MGA: variants seen among roughly 807,000 people sequenced by gnomAD.
The protein encoded by MGA is MAX dimerization protein MGA.
In MGA, 40 loss-of-function variants were observed where a neutral mutation model predicts 261.1. The observed-to-expected ratio is 0.15, with a 90% CI of 0.12 to 0.20. The LOEUF (loss-of-function observed/expected upper bound fraction) is 0.20, where lower values mean the gene tolerates loss of function less well. Ranked by LOEUF, MGA falls within the 10% of genes least tolerant of loss-of-function variation. MGA has a pLI of 1.00. For missense variants in MGA, 3,397 were observed against 3,630.5 expected (o/e 0.94, Z 1.65); for synonymous variants, 1,302 against 1,290.6 (o/e 1.01, Z -0.19).
intron 1 of MGA, among the ~76,000 whole-genome samples, chr15:41,650,749 C>A (rs1462147877): frequency 6.6e-6 from 1 of 152,070 alleles, no homozygotes; most frequent in East Asian, 1.9e-4. Flanking sequence ...TATAGTTTTT[C>A]TTTTGTATAC....
intron 7 of MGA, among the ~76,000 whole-genome samples, chr15:41,709,113 G>A (rs1481368957): frequency 6.6e-6 from 1 of 152,082 alleles, no homozygotes; most frequent in East Asian, 1.9e-4. Context: ...TTGGGAGGCC[G>A]AAGCAAGCGG....
intron 19 of MGA, among the ~76,000 whole-genome samples, chr15:41,759,851 A>G (rs1435108188): frequency 6.6e-6 from 1 of 152,134 alleles, no homozygotes; most frequent in African/African-American, 2.4e-5. Flanking sequence ...GGGATTGTGT[A>G]GTATATTTTG....
chr15:41,723,713 C>T (rs1329383960), intron 9 of MGA, among the ~76,000 whole-genome samples: 1 of 152,106 alleles, frequency 6.6e-6, no homozygotes, highest in East Asian at 1.9e-4. Context: ...GCATCTGGCT[C>T]CCTACCCCAT....
intron 13 of MGA, 32 bp downstream of exon 13, chr15:41,736,730 C>T (rs771416901): frequency 6.5e-6 from 10 of 1,541,824 alleles, no homozygotes; most frequent in African/African-American, 2.7e-5. Flanking sequence ...GGTATAGCAC[C>T]TTTGTATACA....
rs777837339 is a variant in MGA at position 41,696,598 on chromosome 15, C to T, written c.1588C>T (p.Leu530Phe). The T allele has an allele frequency of 2.5e-6, 4 of 1,613,898 alleles. No individual in the cohort carries two copies. Among genetic ancestry groups the T allele is most frequent in the Non-Finnish European group, 3.4e-6 (4 of 1,179,844 alleles). ...CTTAGGCAAGGAATCAGAAAATGGT[C>T]TTAGAAAACATTCACCAGATCTCAG... Residue 530 changes from leucine (L) to phenylalanine (F), a missense_variant, in exon 3 of 24, where the codon CTT becomes TTT. By Grantham distance (22) the Leu-to-Phe change is conservative. This residue lies in a region of MGA where 563 missense variants were observed against 563.6 expected (regional missense o/e 1.00). Coordinates refer to ENST00000219905, the MANE Select transcript of MGA (RefSeq NM_001164273.2).
At chr15:41,666,692 C>T (rs1192199539) in intron 1 of MGA, among the ~76,000 whole-genome samples, 3 of 152,200 alleles carry the variant, frequency 2.0e-5, no homozygotes, top group Non-Finnish European at 4.4e-5. Flanking sequence ...ATTCATTAAG[C>T]TTATACATTC....
chr15:41,662,511 G>C (rs2057472412), intron 1 of MGA, among the ~76,000 whole-genome samples: 1 of 152,154 alleles, frequency 6.6e-6, no homozygotes, highest in African/African-American at 2.4e-5. Flanking sequence ...AAAATGCCCA[G>C]GATATTGTCT....
chr15:41,628,078 G>C (rs146195710), intron 1 of MGA, among the ~76,000 whole-genome samples: 1 of 152,170 alleles, frequency 6.6e-6, no homozygotes, highest in East Asian at 1.9e-4. Flanking sequence ...AGCTAATAAA[G>C]ATGATTTCAG....
intron 2 of MGA, among the ~76,000 whole-genome samples, chr15:41,690,994 G>GTTTTT (rs386382831): frequency 3.1e-4 from 32 of 104,302 alleles, no homozygotes; most frequent in East Asian, 8.9e-4. Flanking sequence ...AGATTGCTTT[G>GTTTTT]TTTTTTTTTT....
At chr15:41,672,723 G>A (rs903645757) in intron 2 of MGA, among the ~76,000 whole-genome samples, 1 of 152,154 alleles carries the variant, frequency 6.6e-6, no homozygotes, top group African/African-American at 2.4e-5. Context: ...CTGGCCTATA[G>A]CCTATTTTAG....
chr15:41,637,355 A>C (rs769801224), intron 1 of MGA, among the ~76,000 whole-genome samples: 2 of 152,194 alleles, frequency 1.3e-5, no homozygotes, highest in Non-Finnish European at 2.9e-5. Flanking sequence ...GATTGACTTA[A>C]TTGTCTGGAC....
intron 1 of MGA, among the ~76,000 whole-genome samples, chr15:41,630,106 T>G (rs1024155912): frequency 3.5e-4 from 53 of 152,200 alleles, no homozygotes; most frequent in African/African-American, 1.3e-3. Context: ...ATCTCGCTCC[T>G]TTTTATCTTT....
In MGA at chr15:41,735,112, C is replaced by G. The variant is rs538098087; in HGVS notation, c.3916+518C>G. On this transcript the variant is annotated intron_variant, in intron 12 of 23. Transcript: ENST00000219905. ...CAGGGCTTCCTAACTTCTTAAAAAA[C>G]GTCATGGTACATACAAATAATTAAC... is the stretch of plus-strand genomic sequence containing the variant. 2.6e-5 allele frequency among the ~76,000 whole-genome samples: 4 copies of G among 152,246 alleles called. No individual in the cohort carries two copies. The East Asian group carries it at 7.7e-4, about 29-fold the overall frequency.
intron 2 of MGA, among the ~76,000 whole-genome samples, chr15:41,674,016 C>T (rs540988204): frequency 2.0e-5 from 3 of 151,046 alleles, no homozygotes; most frequent in East Asian, 3.9e-4. Flanking sequence ...CTCAGCCTCC[C>T]GAGTAGCTGG....
chr15:41,753,044 T>C (rs989120439), intron 17 of MGA, among the ~76,000 whole-genome samples: 1 of 152,232 alleles, frequency 6.6e-6, no homozygotes, highest in Non-Finnish European at 1.5e-5. Flanking sequence ...ATTGGAATAC[T>C]GTGAGGGAAG....
rs544786277 is a variant in MGA, at chr15:41,653,710, T to C, written c.-67-15118T>C. Among the ~76,000 whole-genome samples, 5 of 145,774 alleles carry C rather than the reference T, an allele frequency of 3.4e-5. No homozygotes were observed. In the South Asian group the frequency reaches 1.1e-3, roughly 32 times the overall value. On this transcript the variant is annotated intron_variant, in intron 1 of 8. Transcript: ENST00000566718. ...CTGGGAGACAGAGTGAGACCCCATC[T>C]CTTAAAAAAAAAAAAAAAGAAAAAA...
At chr15:41,729,571 C>T (rs889128696) in intron 11 of MGA, among the ~76,000 whole-genome samples, 1 of 152,002 alleles carries the variant, frequency 6.6e-6, no homozygotes, top group African/African-American at 2.4e-5. Context: ...TCTCTAATCC[C>T]AGCACTTTGG....
At chr15:41,633,353 TA>T (rs138115608) in intron 1 of MGA, among the ~76,000 whole-genome samples, 40,080 of 118,528 alleles carry the variant, frequency 0.34, 6,627 homozygotes, top group Admixed American at 0.45. Flanking sequence ...CCTCCTATGG[TA>T]TTTTTTTTTT....
chr15:41,671,214 T>G (rs2058040905), intron 2 of MGA, among the ~76,000 whole-genome samples: 1 of 152,194 alleles, frequency 6.6e-6, no homozygotes, highest in Middle Eastern at 3.2e-3. Context: ...ATCCAAAATA[T>G]TTGGGATGAG....
Sources: gnomAD v4.1 joint callset for allele counts (sites outside exome capture counted in the v4.1 genomes callset) on GRCh38, gnomAD v4.1.1 for gene constraint, gnomAD v4.1.1 regional missense constraint, MANE v1.5 for transcripts, NCBI Gene and HGNC (gene_info 2026-07-23, HGNC 2026-07-21) for gene names.